STRN3: variants seen among roughly 807,000 people sequenced by gnomAD.
STRN3 encodes the protein striatin 3.
In STRN3, 29 loss-of-function variants were observed where a neutral mutation model predicts 95.6. The observed-to-expected ratio is 0.30, with a 90% confidence interval of 0.23 to 0.41. The LOEUF (loss-of-function observed/expected upper bound fraction) is 0.41. Among genes scored for constraint, STRN3 ranks in the 10% least tolerant of loss-of-function variants. STRN3 has a pLI of 1.00. For missense variants in STRN3, 890 were observed against 972.1 expected (o/e 0.92, Z 1.12); for synonymous variants, 331 against 357.6 (o/e 0.93, Z 0.84).
rs117413398 is a variant in STRN3 at position 30,991,850 on chromosome 14, G to A, written c.282+34054C>T. On this transcript the variant is annotated intron_variant, in intron 1 of 17. Coordinates refer to ENST00000357479, the MANE Select transcript of STRN3 (RefSeq NM_001083893.2). ...GAGCAGTGGTTCACCTGTAATCCCA[G>A]TACTTGGGGAGGCATGCTTGTGGCC... 1.8e-3 allele frequency among the ~76,000 whole-genome samples: 273 copies of A among 151,454 alleles called. 4 individuals are homozygous for A. In the East Asian group the frequency reaches 0.032, roughly 18 times the overall value.
chr14:30,977,983 G>A (rs1881198306), intron 1 of STRN3, among the ~76,000 whole-genome samples: 1 of 151,976 alleles, frequency 6.6e-6, no homozygotes, highest in African/African-American at 2.4e-5. Flanking sequence ...GACGTGAATG[G>A]ATCCATATAT....
chr14:30,935,417 A>G lies in STRN3; in HGVS notation c.847-113T>C, dbSNP rs1162564076. The G allele has an allele frequency of 7.6e-6, 9 of 1,186,978 alleles. No individual in the cohort carries two copies. In the South Asian group the frequency reaches 1.3e-4, roughly 17 times the overall value. 73.5% of individuals were successfully genotyped at this position (1,186,978 alleles called of 1,614,324 possible). A position where few individuals can be genotyped will look rare whatever the true frequency, so the allele number is the denominator to read the frequency against. On this transcript the variant is annotated intron_variant, in intron 6 of 17. Transcript: ENST00000357479. The stretch of plus-strand genomic sequence containing the variant: ...CCATTTTAAAATTACTTGGATCAAA[A>G]ATTTTAGATCTCCTATGTAATTCAC...
At chr14:30,904,484 A>T (rs948808845) in intron 15 of STRN3, among the ~76,000 whole-genome samples, 4 of 152,200 alleles carry the variant, frequency 2.6e-5, no homozygotes, top group African/African-American at 9.6e-5. Flanking sequence ...TCATTATTTT[A>T]AAAACTGGTA....
At chr14:30,956,029 G>A (rs949974720) in intron 2 of STRN3, 110 bp downstream of exon 2, 13 of 800,050 alleles carry the variant, frequency 1.6e-5, no homozygotes, top group Admixed American at 5.7e-5. Flanking sequence ...TCATGTATTC[G>A]GGCAAGGATT....
At chr14:30,929,967 A>AAAAACAAAAAACAAAAAACAAAAAAAC (rs1555317338) in intron 7 of STRN3, among the ~76,000 whole-genome samples, 2 of 91,122 alleles carry the variant, frequency 2.2e-5, no homozygotes, top group African/African-American at 7.7e-5. Flanking sequence ...AAAAAAAAAA[A>AAAAACAAAAAACAAAAAACAAAAAAAC]AAAAAAAAAA....
intron 5 of STRN3, among the ~76,000 whole-genome samples, chr14:30,942,933 A>G (rs565461040): frequency 1.8e-4 from 27 of 152,222 alleles, no homozygotes; most frequent in Non-Finnish European, 3.4e-4. Context: ...ACAAATAAGG[A>G]AAGTAATGTT....
chr14:30,900,959 C>T (rs1048469615), intron 16 of STRN3, among the ~76,000 whole-genome samples: 3 of 152,156 alleles, frequency 2.0e-5, no homozygotes, highest in Non-Finnish European at 4.4e-5. Context: ...TTCAGATGCT[C>T]ACCTTTTGCT....
chr14:31,018,473 G>A (rs1005183263), intron 1 of STRN3: 7 of 420,890 alleles, frequency 1.7e-5, no homozygotes, highest in Admixed American at 2.8e-5. Context: ...GACTGTCACC[G>A]TCACTCCTTC....
At chr14:30,963,307 A>T (rs763911842) in intron 1 of STRN3, among the ~76,000 whole-genome samples, 4 of 152,230 alleles carry the variant, frequency 2.6e-5, no homozygotes, top group African/African-American at 9.6e-5. Flanking sequence ...TCTAACACAC[A>T]TATGCAGAAC....
intron 16 of STRN3, among the ~76,000 whole-genome samples, chr14:30,901,870 T>C (rs1896325129): frequency 6.6e-6 from 1 of 152,006 alleles, no homozygotes; most frequent in Non-Finnish European, 1.5e-5. Flanking sequence ...GACATAGTTG[T>C]AAGAACATAT....
chr14:31,015,421 G>A (rs924302933), intron 1 of STRN3, among the ~76,000 whole-genome samples: 1 of 149,568 alleles, frequency 6.7e-6, no homozygotes, highest in African/African-American at 2.5e-5. Context: ...CACCTAGGCT[G>A]GAGTACAATG....
intron 13 of STRN3, among the ~76,000 whole-genome samples, chr14:30,909,309 A>G (rs964632858): frequency 1.3e-5 from 2 of 152,066 alleles, no homozygotes; most frequent in Non-Finnish European, 2.9e-5. Flanking sequence ...GTTTAAGACC[A>G]CCCCGGGCAA....
chr14:30,986,523 C>T (rs1456565358), intron 1 of STRN3, among the ~76,000 whole-genome samples: 1 of 152,120 alleles, frequency 6.6e-6, no homozygotes, highest in African/African-American at 2.4e-5. Context: ...GGTAATAAAC[C>T]TTTTAGCTAC....
intron 5 of STRN3, among the ~76,000 whole-genome samples, chr14:30,940,335 T>TCC (rs1381919731): frequency 6.6e-6 from 1 of 152,162 alleles, no homozygotes; most frequent in African/African-American, 2.4e-5. Flanking sequence ...GAGAAACATC[T>TCC]CCAATAGCTT....
At chr14:30,927,301 A>C (rs1033113457) in intron 8 of STRN3, among the ~76,000 whole-genome samples, 2 of 152,138 alleles carry the variant, frequency 1.3e-5, no homozygotes, top group African/African-American at 4.8e-5. Flanking sequence ...GGGTTCTAAA[A>C]AAAATAAATT....
At chr14:31,010,839 G>A (rs1418576929) in intron 1 of STRN3, among the ~76,000 whole-genome samples, 1 of 152,174 alleles carries the variant, frequency 6.6e-6, no homozygotes, top group Non-Finnish European at 1.5e-5. Context: ...AGGAGTTCGA[G>A]ACCAGCCTAG....
chr14:30,932,149 C>T (rs1878571688), intron 7 of STRN3: 1 of 152,296 alleles, frequency 6.6e-6, no homozygotes, highest in Admixed American at 6.6e-5. Context: ...CGCCTGTAAT[C>T]CCAGCTACTC....
At chr14:30,999,157 C>T (rs1882331022) in intron 1 of STRN3, among the ~76,000 whole-genome samples, 1 of 152,184 alleles carries the variant, frequency 6.6e-6, no homozygotes. Context: ...AATTCTCCCA[C>T]ATCAGCCTCC....
intron 1 of STRN3, among the ~76,000 whole-genome samples, chr14:31,010,935 A>C (rs1277499141): frequency 2.6e-5 from 4 of 152,228 alleles, no homozygotes; most frequent in African/African-American, 7.2e-5. Flanking sequence ...GCTACTCAGG[A>C]GGGTGAGGTG....
Sources: gnomAD v4.1 joint callset for allele counts (sites outside exome capture counted in the v4.1 genomes callset) on GRCh38, gnomAD v4.1.1 for gene constraint, MANE v1.5 for transcripts, NCBI Gene and HGNC (gene_info 2026-07-23, HGNC 2026-07-21) for gene names.